GIMAP8: variants seen among roughly 807,000 people sequenced by gnomAD.
The protein encoded by GIMAP8 is GTPase IMAP family member 8.
Under a neutral mutation model 35.6 loss-of-function variants are expected in GIMAP8, and 29 were observed. The observed-to-expected ratio is 0.81, with a 90% CI of 0.61 to 1.11. GIMAP8 has a LOEUF of 1.11. Among genes scored for constraint, GIMAP8 ranks in the 50% most tolerant of loss-of-function variants. GIMAP8 has a pLI of 0.00. For synonymous variants in GIMAP8, 335 were observed against 308.7 expected, an observed-to-expected ratio of 1.09 and a Z score of -0.89; for missense variants, 811 against 805.0, an observed-to-expected ratio of 1.01 and a Z score of -0.09.
rs1212664914 is a variant in GIMAP8, at chr7:150,478,120, T to G, written c.*340T>G. 1 of 282,188 alleles carries G rather than the reference T, an allele frequency of 3.5e-6. No homozygotes were observed. The highest frequency in any genetic ancestry group is 5.8e-5 in the South Asian group (1 of 17,344). 17.5% of individuals were successfully genotyped at this position (282,188 alleles called of 1,614,324 possible). A position where few individuals can be genotyped will look rare whatever the true frequency, so the allele number is the denominator to read the frequency against. Reference sequence around the variant, plus strand: ...TCAGGATAGACACTGTGATCAAGGCTGAGGCCACCTGGGATGAGAATATAG... The same window carrying G: ...TCAGGATAGACACTGTGATCAAGGCGGAGGCCACCTGGGATGAGAATATAG... On this transcript the variant is annotated 3_prime_UTR_variant, in exon 5 of 5. Transcript: ENST00000307271.
At chr7:150,475,124 G>A (rs921345902) in intron 4 of GIMAP8, among the ~76,000 whole-genome samples, 1 of 152,212 alleles carries the variant, frequency 6.6e-6, no homozygotes, top group Non-Finnish European at 1.5e-5. Flanking sequence ...GCATAGAGAA[G>A]ATAAAAAGGA....
At chr7:150,452,334 T>A (rs1801625694) in intron 1 of GIMAP8, among the ~76,000 whole-genome samples, 1 of 151,764 alleles carries the variant, frequency 6.6e-6, no homozygotes, top group Non-Finnish European at 1.5e-5. Flanking sequence ...GGTGTGTGTG[T>A]GTAGGTCCTG....
At position 150,451,542 on chromosome 7, in the gene GIMAP8, CG is replaced by C. The variant is rs1801608583; in HGVS notation, c.-29+368del. Among the ~76,000 whole-genome samples the C allele has an allele frequency of 6.6e-6, 1 of 151,990 alleles. No homozygotes were observed. Among genetic ancestry groups the C allele is most frequent in the Admixed American group, 6.5e-5 (1 of 15,280 alleles). On this transcript the variant is annotated intron_variant, in intron 1 of 4. Coordinates refer to ENST00000307271, the MANE Select transcript of GIMAP8 (RefSeq NM_175571.4). This position sits in a 1 kb window ranked among gnomAD's most constrained non-coding sequence, Gnocchi z 4.1. ...TGAGAGTGGCTGTCCTAAAAGAAGG[CG>C]TGTCGGGGAGTGGGTGTGAGCCCTG...
In GIMAP8 at chr7:150,463,197, T is replaced by A. The variant is rs567398215; in HGVS notation, c.-28-3474T>A. ...GGATTTCCATTTGGTTCCTTTTTTT[T>A]ATAATATCTATCTCTTTATTGAATT... On this transcript the variant is annotated intron_variant, in intron 1 of 4. Transcript: ENST00000307271. Among the ~76,000 whole-genome samples the A allele has an allele frequency of 1.6e-3, 239 of 152,148 alleles. 2 individuals are homozygous for A. The highest frequency in any genetic ancestry group is 5.4e-3 in the African/African-American group (226 of 41,538).
chr7:150,451,458 C>T lies in GIMAP8; in HGVS notation c.-29+283C>T, dbSNP rs1381507296. Reference sequence around the variant, plus strand: ...CCTCCTGGTCCAAAGCGTGTCTCCCCAGCCTGCTGGGGAGTAGATTCGGCA... The same window carrying T: ...CCTCCTGGTCCAAAGCGTGTCTCCCTAGCCTGCTGGGGAGTAGATTCGGCA... On this transcript the variant is annotated intron_variant, in intron 1 of 4. Transcript: ENST00000307271. The surrounding 1 kb of genome is among the most constrained non-coding windows in gnomAD (Gnocchi z 4.1). 1.3e-5 allele frequency among the ~76,000 whole-genome samples: 2 copies of T among 152,152 alleles called. No individual in the cohort carries two copies. Among genetic ancestry groups the T allele is most frequent in the Non-Finnish European group, 2.9e-5 (2 of 68,018 alleles).
At chr7:150,461,609 G>C (rs1801847613) in intron 1 of GIMAP8, among the ~76,000 whole-genome samples, 1 of 152,090 alleles carries the variant, frequency 6.6e-6, no homozygotes, top group Non-Finnish European at 1.5e-5. Context: ...GTGCTTTACA[G>C]AGGAAGTGAA....
intron 4 of GIMAP8, 142 bp from the exon 5 acceptor site, chr7:150,476,950 C>T (rs1455597541): frequency 1.5e-6 from 1 of 645,340 alleles, no homozygotes; most frequent in Non-Finnish European, 2.7e-6. Context: ...TGGAGATCCC[C>T]CTGCTTGGGT....
chr7:150,453,078 G>A (rs900189147), intron 1 of GIMAP8, among the ~76,000 whole-genome samples: 1 of 151,650 alleles, frequency 6.6e-6, no homozygotes, highest in East Asian at 1.9e-4. Context: ...TTTGTACCAA[G>A]GGTAGTACAG....
At chr7:150,475,439 C>G (rs1802207344) in intron 4 of GIMAP8, among the ~76,000 whole-genome samples, 2 of 152,176 alleles carry the variant, frequency 1.3e-5, no homozygotes, top group African/African-American at 4.8e-5. Context: ...TTTTCATGAT[C>G]TTTACTATCT....
Position 150,478,459 on chromosome 7 carries a change from A to T in GIMAP8, c.*679A>T, listed in dbSNP as rs1317735056. ...GGAGGTTCTGAATGATTTTATTGCT[A>T]ATTATCACAGTGACATAGACTAGAA... On this transcript the variant is annotated 3_prime_UTR_variant, in exon 5 of 5. Coordinates refer to ENST00000307271, the MANE Select transcript of GIMAP8 (RefSeq NM_175571.4). The T allele has an allele frequency of 6.6e-6, 1 of 152,256 alleles. No homozygotes were observed. The highest frequency in any genetic ancestry group is 2.4e-5 in the African/African-American group (1 of 41,456). 9.4% of individuals were successfully genotyped at this position (152,256 alleles called of 1,614,324 possible).
chr7:150,463,126 TC>T (rs1801874891), intron 1 of GIMAP8, among the ~76,000 whole-genome samples: 1 of 152,094 alleles, frequency 6.6e-6, no homozygotes, highest in Non-Finnish European at 1.5e-5. Flanking sequence ...TTTTTGAAGC[TC>T]TTGGTTATAT....
Position 150,477,874 on chromosome 7 carries a change from T to C in GIMAP8, c.*94T>C. 1 of 997,942 alleles carries C rather than the reference T, an allele frequency of 1.0e-6. No individual in the cohort carries two copies. Among genetic ancestry groups the C allele is most frequent in the Non-Finnish European group, 1.5e-6 (1 of 677,636 alleles). The allele number at this position is 997,942 out of a possible 1,614,324, so 61.8% of individuals were successfully genotyped here. ...TACAACCTGTGGGAAGGGAAGCGGG[T>C]TCATGGCTTTGAGGGCCTGAGAGGC... is the stretch of plus-strand genomic sequence containing the variant. On this transcript the variant is annotated 3_prime_UTR_variant, in exon 5 of 5. Transcript: ENST00000307271.
intron 1 of GIMAP8, among the ~76,000 whole-genome samples, chr7:150,456,450 T>TCTGTCTCTGTGACCTCTGCCTCTGTCCTC (rs1801731495): frequency 6.6e-6 from 1 of 152,166 alleles, no homozygotes; most frequent in Non-Finnish European, 1.5e-5. Flanking sequence ...TTCAAGTCCC[T>TCTGTCTCTGTGACCTCTGCCTCTGTCCTC]CTGTCTCTGT....
In GIMAP8 at chr7:150,477,420, G is replaced by C. The variant is rs897850406; in HGVS notation, c.1638G>C (p.Ala546=). Residue 546 remains alanine (A), a synonymous_variant, in exon 5 of 5, where the codon GCG becomes GCC. Coordinates refer to ENST00000307271, the MANE Select transcript of GIMAP8 (RefSeq NM_175571.4). ...CTGAAGAGGACAAAACAGCTGTGGCGAAACTGGAGGCCATCTTTGGAGCAG... is the reference window on the plus strand; with the variant it reads ...CTGAAGAGGACAAAACAGCTGTGGCCAAACTGGAGGCCATCTTTGGAGCAG... ...RFTEEDKTAV[A]KLEAIFGADF... is the part of the protein sequence containing the mutation. The C allele has an allele frequency of 3.7e-6, 6 of 1,613,914 alleles. No individual in the cohort carries two copies. Among genetic ancestry groups the C allele is most frequent in the Non-Finnish European group, 5.1e-6 (6 of 1,179,744 alleles).
intron 1 of GIMAP8, among the ~76,000 whole-genome samples, chr7:150,456,658 C>T (rs1294742816): frequency 2.0e-5 from 3 of 152,176 alleles, no homozygotes; most frequent in Non-Finnish European, 4.4e-5. Flanking sequence ...CATGTGGACA[C>T]CTTGGGCGAC....
In GIMAP8 at chr7:150,466,799, A is replaced by G. The variant is rs1563283692; in HGVS notation, c.101A>G (p.His34Arg). The G allele has an allele frequency of 1.2e-6, 2 of 1,613,748 alleles. No individual in the cohort carries two copies. Among genetic ancestry groups the G allele is most frequent in the East Asian group, 2.2e-5 (1 of 44,852 alleles). The part of the protein sequence containing the change: ...SATGNAILGK[H>R]VFKSKFSDQT... ...ACAGGAAATGCCATTCTGGGCAAAC[A>G]TGTGTTCAAGTCCAAGTTCAGTGAT... is the stretch of plus-strand genomic sequence containing the variant. The change falls in exon 2 of 5, where the codon CAT (histidine) becomes CGT (arginine). Residue 34 changes from histidine to arginine, a missense_variant. His to Arg is a conservative substitution (Grantham distance 29). Transcript: ENST00000307271.
At chr7:150,464,812 T>G (rs760231125) in intron 1 of GIMAP8, among the ~76,000 whole-genome samples, 1 of 152,236 alleles carries the variant, frequency 6.6e-6, no homozygotes, top group Non-Finnish European at 1.5e-5. Flanking sequence ...ATATACCAAA[T>G]TCTTTAGAAT....
chr7:150,477,082 C>A lies in GIMAP8; in HGVS notation c.1310-10C>A. ...CATGGTCACGAATCTTTCCCACTTT[C>A]CTTTGACAGAAACCCTGAACATTGT... On this transcript the variant is annotated splice_polypyrimidine_tract_variant and intron_variant, in intron 4 of 4. Coordinates refer to ENST00000307271, the MANE Select transcript of GIMAP8 (RefSeq NM_175571.4). 1 of 1,589,370 alleles carries A rather than the reference C, an allele frequency of 6.3e-7. No individual in the cohort carries two copies. The highest frequency in any genetic ancestry group is 8.6e-7 in the Non-Finnish European group (1 of 1,161,152).
At chr7:150,476,947 C>A (rs1166959808) in intron 4 of GIMAP8, 145 bp from the exon 5 acceptor site, 1 of 635,138 alleles carries the variant, frequency 1.6e-6, no homozygotes, top group Non-Finnish European at 2.7e-6. Context: ...GTTTGGAGAT[C>A]CCCCTGCTTG....
Sources: gnomAD v4.1 joint callset for allele counts (sites outside exome capture counted in the v4.1 genomes callset) on GRCh38, gnomAD v4.1.1 for gene constraint, Gnocchi (gnomAD v3.1) non-coding constraint, MANE v1.5 for transcripts, NCBI Gene and HGNC (gene_info 2026-07-23, HGNC 2026-07-21) for gene names.